The following FBXL17 variants were observed in gnomAD, a reference collection of about 807,000 sequenced individuals.
FBXL17 encodes the protein F-box and leucine rich repeat protein 17, also known as F-box/LRR-repeat protein 17.
FBXL17 carries 22 observed loss-of-function variants against 66.2 expected under a neutral mutation model. That is an observed-to-expected ratio of 0.33 (90% CI 0.24 to 0.47). FBXL17 has a LOEUF of 0.47. Among genes scored for constraint, FBXL17 ranks in the 20% least tolerant of loss-of-function variants. The pLI, the probability that FBXL17 is intolerant of heterozygous loss-of-function variation, is 1.00. For missense variants in FBXL17, 878 were observed against 948.2 expected (o/e 0.93, Z 0.97); for synonymous variants, 474 against 400.5 (o/e 1.18, Z -2.19).
At chr5:108,196,091 C>T (rs866370483) in intron 5 of FBXL17, among the ~76,000 whole-genome samples, 16 of 152,012 alleles carry the variant, frequency 1.1e-4, no homozygotes, top group African/African-American at 3.6e-4. Flanking sequence ...ATTAAGTTAG[C>T]TAGGTAGAAA....
chr5:108,253,787 G>A (rs1177573713), intron 4 of FBXL17, among the ~76,000 whole-genome samples: 1 of 152,100 alleles, frequency 6.6e-6, no homozygotes, highest in African/African-American at 2.4e-5. Context: ...AAGCCCAGGA[G>A]TTCAAGACCA....
At chr5:108,316,629 C>T (rs1388347859) in intron 4 of FBXL17, among the ~76,000 whole-genome samples, 3 of 151,300 alleles carry the variant, frequency 2.0e-5, no homozygotes, top group East Asian at 1.9e-4. Context: ...CTTTTTTTAA[C>T]GATGTCTATT....
chr5:108,213,492 C>A (rs1310220196), intron 5 of FBXL17, among the ~76,000 whole-genome samples: 2 of 152,198 alleles, frequency 1.3e-5, no homozygotes, highest in African/African-American at 4.8e-5. Flanking sequence ...AGTATCTGTG[C>A]TGGAGTTCCT....
At position 108,381,600 on chromosome 5, in the gene FBXL17, A is replaced by C. The variant is rs1749944673; in HGVS notation, c.92T>G (p.Leu31Arg). Residue 31 changes from leucine (L) to arginine (R), a missense_variant, in exon 1 of 9, where the codon CTC (leucine) becomes CGC (arginine). Leu to Arg is a moderately radical substitution (Grantham distance 102). Around this residue, in one of 4 missense-constraint regions of FBXL17, gnomAD observed 605 missense variants for 509.5 expected, o/e 1.19. Coordinates refer to ENST00000542267, the MANE Select transcript of FBXL17 (RefSeq NM_001163315.3). ...GGCTGGGGTCCGGCGGGGCAGCCTG[A>C]GGAGAGGGCGCCGGCGGCGGCACCA... Reference protein sequence around the residue: ...CSWCRRRRPLLRLPRRTPAKV... With the variant: ...CSWCRRRRPLRRLPRRTPAKV... The C allele has an allele frequency of 1.4e-6, 2 of 1,476,766 alleles. No individual in the cohort carries two copies. Among genetic ancestry groups the C allele is most frequent in the Non-Finnish European group, 8.9e-7 (1 of 1,119,584 alleles). The allele number at this position is 1,476,766 out of a possible 1,614,324, so 91.5% of individuals were successfully genotyped here.
chr5:107,969,483 A>C (rs924790836), intron 7 of FBXL17, among the ~76,000 whole-genome samples: 1 of 151,712 alleles, frequency 6.6e-6, no homozygotes, highest in Non-Finnish European at 1.5e-5. Flanking sequence ...TTCATATTTC[A>C]AAAAAAAACT....
At chr5:108,063,746 G>A (rs1748010218) in intron 6 of FBXL17, among the ~76,000 whole-genome samples, 1 of 151,728 alleles carries the variant, frequency 6.6e-6, no homozygotes, top group African/African-American at 2.4e-5. Flanking sequence ...AAATCCATGG[G>A]GAAATGCAAG....
At chr5:107,916,693 AAGCTGTC>A (rs1365185481) in intron 7 of FBXL17, among the ~76,000 whole-genome samples, 17 of 152,196 alleles carry the variant, frequency 1.1e-4, no homozygotes, top group Non-Finnish European at 2.2e-4. Context: ...CTTCTTAAAT[AAGCTGTC>A]CTACTTCCCA....
intron 4 of FBXL17, among the ~76,000 whole-genome samples, chr5:108,248,660 A>T (rs1011731481): frequency 2.0e-5 from 3 of 152,168 alleles, no homozygotes; most frequent in Admixed American, 1.3e-4. Flanking sequence ...TAACATAACC[A>T]AATTCCTAAA....
At chr5:108,333,148 GTATATA>G (rs145030445) in intron 4 of FBXL17, among the ~76,000 whole-genome samples, 2 of 136,570 alleles carry the variant, frequency 1.5e-5, no homozygotes, top group African/African-American at 6.1e-5. Context: ...AGAAATACCA[GTATATA>G]TATATATATA....
chr5:108,004,238 T>G (rs909029151), intron 7 of FBXL17, among the ~76,000 whole-genome samples: 4 of 152,122 alleles, frequency 2.6e-5, no homozygotes, highest in African/African-American at 7.2e-5. Context: ...TAAACTTATG[T>G]TTTGATATTT....
chr5:108,154,903 C>T (rs189749219), intron 6 of FBXL17, among the ~76,000 whole-genome samples: 28 of 151,548 alleles, frequency 1.8e-4, no homozygotes, highest in African/African-American at 4.8e-4. Flanking sequence ...AGTCAAGAAA[C>T]GGGATTTCCA....
intron 7 of FBXL17, among the ~76,000 whole-genome samples, chr5:107,894,799 T>C (rs758061963): frequency 6.6e-6 from 1 of 152,064 alleles, no homozygotes; most frequent in Non-Finnish European, 1.5e-5. Flanking sequence ...AGAGACTGAA[T>C]TGCAACTATA....
chr5:107,974,811 T>TA (rs2112657333), intron 7 of FBXL17, among the ~76,000 whole-genome samples: 1 of 152,186 alleles, frequency 6.6e-6, no homozygotes, highest in East Asian at 1.9e-4. Flanking sequence ...GACTCAGATT[T>TA]ATGGAATGTT....
chr5:108,205,189 G>C (rs10070927), intron 5 of FBXL17, among the ~76,000 whole-genome samples: 1 of 151,914 alleles, frequency 6.6e-6, no homozygotes, highest in Non-Finnish European at 1.5e-5. Flanking sequence ...CTGAGATTAC[G>C]GGCACAAAAC....
At chr5:108,185,102 C>T (rs1000814749) in intron 6 of FBXL17, among the ~76,000 whole-genome samples, 1 of 151,926 alleles carries the variant, frequency 6.6e-6, no homozygotes, top group South Asian at 2.1e-4. Context: ...AATCATTATT[C>T]GTAAGAAAAA....
intron 5 of FBXL17, among the ~76,000 whole-genome samples, chr5:108,206,246 T>C (rs1754114049): frequency 6.6e-6 from 1 of 152,190 alleles, no homozygotes; most frequent in Non-Finnish European, 1.5e-5. Flanking sequence ...TGTTTACTTT[T>C]TTGTAATTCC....
At chr5:108,063,353 CTAACCTTGTCAACTATCCAA>C (rs2112848432) in intron 6 of FBXL17, among the ~76,000 whole-genome samples, 1 of 152,298 alleles carries the variant, frequency 6.6e-6, no homozygotes, top group East Asian at 1.9e-4. Context: ...AAGCCAATAA[CTAACCTTGTCAACTATCCAA>C]GGATTTGGTC....
At position 108,381,409 on chromosome 5, in the gene FBXL17, A is replaced by C. The variant is rs538541501; in HGVS notation, c.283T>G (p.Ser95Ala). 402 of 1,324,172 alleles carry C rather than the reference A, an allele frequency of 3.0e-4. No individual in the cohort carries two copies. The African/African-American group carries it at 3.1e-3, about 10-fold the overall frequency. 82.0% of individuals were successfully genotyped at this position (1,324,172 alleles called of 1,614,324 possible). ...PPRDGAYAAASSSQHLARRYA... is the reference protein window; with the variant it reads ...PPRDGAYAAAASSQHLARRYA... ...CGCCGCGCCAGGTGCTGAGAGGAGG[A>C]GGCGGCAGCGTAGGCCCCGTCCCGC... The change falls in exon 1 of 9, where the codon TCC (serine) becomes GCC (alanine). Residue 95 changes from serine (S) to alanine (A), a missense_variant. Transcript: ENST00000542267.
chr5:108,065,073 G>A (rs976345311), intron 6 of FBXL17, among the ~76,000 whole-genome samples: 3 of 151,980 alleles, frequency 2.0e-5, no homozygotes, highest in Non-Finnish European at 4.4e-5. Context: ...TTTCCTTGGA[G>A]GCTACCCTAT....
Sources: allele counts gnomAD v4.1 joint callset (sites outside exome capture counted in the v4.1 genomes callset), GRCh38; gene constraint gnomAD v4.1.1; regional missense constraint gnomAD v4.1.1; transcripts MANE v1.5; gene names NCBI Gene and HGNC (gene_info 2026-07-23, HGNC 2026-07-21).